Variants in WNT3 observed in about 807,000 individuals in gnomAD.
WNT3 encodes Wnt family member 3.
A neutral mutation model predicts 34.2 loss-of-function variants in WNT3; 7 were observed. The observed-to-expected ratio is 0.20, with a 90% CI of 0.12 to 0.38. The LOEUF is 0.38. WNT3 is among the 10% of genes least tolerant of loss of function. The pLI, the probability that WNT3 is intolerant of heterozygous loss-of-function variation, is 1.00. For missense variants in WNT3, 267 were observed against 499.8 expected (o/e 0.53, Z 4.44); for synonymous variants, 212 against 211.5 (o/e 1.00, Z -0.02).
chr17:46,804,430 G>A (rs1260725196), intron 1 of WNT3, among the ~76,000 whole-genome samples: 1 of 152,124 alleles, frequency 6.6e-6, no homozygotes, highest in Non-Finnish European at 1.5e-5. Context: ...TCCGTCATAA[G>A]CCTCTTGAGG....
chr17:46,787,816 C>T (rs1023927577), intron 1 of WNT3, among the ~76,000 whole-genome samples: 11 of 152,106 alleles, frequency 7.2e-5, no homozygotes, highest in East Asian at 3.8e-4. Flanking sequence ...ATTAACCAGG[C>T]GTGGTGGTGG....
chr17:46,771,258 G>C lies in WNT3; in HGVS notation c.323-1210C>G, dbSNP rs540735316. Among the ~76,000 whole-genome samples, 8 of 152,238 alleles carry C rather than the reference G, an allele frequency of 5.3e-5. No individual in the cohort carries two copies. The South Asian group carries it at 1.7e-3, about 32-fold the overall frequency. ...TGCGCTGCCAGGGCCGACCGAGGAC[G>C]GCGGCAAGGGGGCCCGACGTCCCGC... On this transcript the variant is annotated intron_variant, in intron 2 of 4. Transcript: ENST00000225512.
chr17:46,774,059 G>C, intron 1 of WNT3, 150 bp from the exon 2 acceptor site: 1 of 1,185,432 alleles, frequency 8.4e-7, no homozygotes, highest in East Asian at 2.6e-5. Context: ...GACCTCGGGA[G>C]CATGCCGCCC....
At chr17:46,773,236 G>A (rs1359884805) in intron 2 of WNT3, among the ~76,000 whole-genome samples, 1 of 152,072 alleles carries the variant, frequency 6.6e-6, no homozygotes, top group Admixed American at 6.5e-5. Flanking sequence ...GCTCTTGGGG[G>A]CAACGCAATG....
At chr17:46,767,624 G>A (rs1198508896) in intron 4 of WNT3, among the ~76,000 whole-genome samples, 1 of 152,164 alleles carries the variant, frequency 6.6e-6, no homozygotes, top group Non-Finnish European at 1.5e-5. Flanking sequence ...AGGACCAGAC[G>A]TCAGGTCTCC....
rs1409734398 is a variant in WNT3, at chr17:46,773,666, A to T, written c.322+2T>A. ...CCCCCCCCCTCAGCCCCAAGGCAGTACCTTTGTCGAGGACGGGCCCAAAGA... is the reference window on the plus strand; with the variant it reads ...CCCCCCCCCTCAGCCCCAAGGCAGTTCCTTTGTCGAGGACGGGCCCAAAGA... On this transcript the variant is annotated splice_donor_variant, in intron 2 of 4. Transcript: ENST00000225512. LOFTEE classifies it high-confidence loss of function. 8.5e-7 allele frequency: 1 copy of T among 1,182,424 alleles called. No individual in the cohort carries two copies. The allele number at this position is 1,182,424 out of a possible 1,614,324, so 73.2% of individuals were successfully genotyped here. A position where few individuals can be genotyped will look rare whatever the true frequency, so the allele number is the denominator to read the frequency against.
chr17:46,765,886 G>A (rs1427122937), intron 4 of WNT3, among the ~76,000 whole-genome samples: 1 of 152,244 alleles, frequency 6.6e-6, no homozygotes, highest in Admixed American at 6.5e-5. Context: ...GCTCAGCGAG[G>A]CAGAAGAGCT....
At chr17:46,807,237 C>A (rs1214721892) in intron 1 of WNT3, among the ~76,000 whole-genome samples, 1 of 152,222 alleles carries the variant, frequency 6.6e-6, no homozygotes, top group Non-Finnish European at 1.5e-5. Context: ...CATCTCAGCA[C>A]TTTGGGAGGC....
intron 1 of WNT3, among the ~76,000 whole-genome samples, chr17:46,810,004 C>CTTTTTTTTTTT (rs11292601): frequency 7.9e-6 from 1 of 126,390 alleles, no homozygotes; most frequent in Non-Finnish European, 1.6e-5. Flanking sequence ...TTCTTTCTTT[C>CTTTTTTTTTTT]TTTTTTTTTT....
At chr17:46,790,523 C>T (rs1477159965) in intron 1 of WNT3, among the ~76,000 whole-genome samples, 1 of 152,082 alleles carries the variant, frequency 6.6e-6, no homozygotes, top group East Asian at 1.9e-4. Flanking sequence ...CACAGCCCCA[C>T]CCTGGGTCCA....
chr17:46,767,942 C>G (rs2059328619), intron 4 of WNT3, among the ~76,000 whole-genome samples: 1 of 152,154 alleles, frequency 6.6e-6, no homozygotes, highest in Non-Finnish European at 1.5e-5. Flanking sequence ...GCACCTGCCA[C>G]AACGCCCGGC....
At chr17:46,788,434 A>G (rs1427572131) in intron 1 of WNT3, among the ~76,000 whole-genome samples, 4 of 152,092 alleles carry the variant, frequency 2.6e-5, no homozygotes, top group Non-Finnish European at 5.9e-5. Flanking sequence ...CCACATTGCT[A>G]TACCCTTCAA....
chr17:46,797,371 A>G (rs185963217), intron 1 of WNT3, among the ~76,000 whole-genome samples: 3 of 152,178 alleles, frequency 2.0e-5, no homozygotes, highest in Middle Eastern at 3.2e-3. Flanking sequence ...CTGGGTTTTG[A>G]AAAATCCTGG....
chr17:46,771,216 C>G (rs1234256712), intron 2 of WNT3, among the ~76,000 whole-genome samples: 1 of 152,200 alleles, frequency 6.6e-6, no homozygotes. Flanking sequence ...GAGCTGGTCC[C>G]GCCCGCGCCC....
At chr17:46,782,537 A>AG (rs2059470634) in intron 1 of WNT3, among the ~76,000 whole-genome samples, 3 of 152,264 alleles carry the variant, frequency 2.0e-5, no homozygotes, top group African/African-American at 7.2e-5. Flanking sequence ...GCAGGAAGTG[A>AG]GGAACCAAGC....
At chr17:46,800,626 T>C (rs1598788541) in intron 1 of WNT3, among the ~76,000 whole-genome samples, 1 of 152,172 alleles carries the variant, frequency 6.6e-6, no homozygotes, top group Non-Finnish European at 1.5e-5. Flanking sequence ...ACAGAGGCAA[T>C]GAGAATCCAG....
rs774576666 is a variant in WNT3, at chr17:46,773,697, A to T, written c.293T>A (p.Leu98Gln). Reference protein sequence around the residue: ...RWNCTTIDDSLAIFGPVLDKA... With the variant: ...RWNCTTIDDSQAIFGPVLDKA... ...GTCGAGGACGGGCCCAAAGATGGCC[A>T]GGCTGTCATCTATGGTGGTGCAGTT... The change falls in exon 2 of 5, where the codon CTG becomes CAG. Residue 98 changes from leucine to glutamine, a missense_variant. By Grantham distance (113) the Leu-to-Gln change is moderately radical (BLOSUM62 -2). Transcript: ENST00000225512. 2 of 1,354,320 alleles carry T rather than the reference A, an allele frequency of 1.5e-6. No individual in the cohort carries two copies. Among genetic ancestry groups the T allele is most frequent in the Admixed American group, 4.1e-5 (2 of 48,276 alleles). 83.9% of individuals were successfully genotyped at this position (1,354,320 alleles called of 1,614,324 possible).
At chr17:46,814,441 G>A (rs1422282404) in intron 1 of WNT3, among the ~76,000 whole-genome samples, 2 of 152,198 alleles carry the variant, frequency 1.3e-5, no homozygotes, top group Non-Finnish European at 2.9e-5. Context: ...CCCATAATGG[G>A]GGCGGGGTGA....
At chr17:46,803,110 T>C (rs891145483) in intron 1 of WNT3, among the ~76,000 whole-genome samples, 2 of 152,230 alleles carry the variant, frequency 1.3e-5, no homozygotes, top group African/African-American at 2.4e-5. Flanking sequence ...CGCTGGCTGA[T>C]GTCTGCCGCA....
Sources: gnomAD v4.1 joint callset for allele counts (sites outside exome capture counted in the v4.1 genomes callset) on GRCh38, gnomAD v4.1.1 for gene constraint, MANE v1.5 for transcripts, NCBI Gene and HGNC (gene_info 2026-07-23, HGNC 2026-07-21) for gene names.